Variants in IL1RAP observed in about 807,000 individuals in gnomAD.
IL1RAP encodes interleukin 1 receptor accessory protein, also known as interleukin-1 receptor accessory protein.
A neutral mutation model predicts 60.7 loss-of-function variants in IL1RAP; 35 were observed. That is an observed-to-expected ratio of 0.58 (90% CI 0.44 to 0.76). IL1RAP has a LOEUF of 0.76. IL1RAP is among the 30% of genes least tolerant of loss of function. The probability of loss-of-function intolerance (pLI) is 0.00; values close to 1 mark genes in which losing one functional copy is unlikely to be tolerated. For missense variants in IL1RAP, 572 were observed against 693.9 expected (o/e 0.82, Z 1.97); for synonymous variants, 268 against 250.9 (o/e 1.07, Z -0.64).
At chr3:190,645,948 A>G in intron 11 of IL1RAP, 106 bp downstream of exon 11, 2 of 933,136 alleles carry the variant, frequency 2.1e-6, no homozygotes, top group Non-Finnish European at 3.2e-6. Flanking sequence ...TGGATATTTA[A>G]TGTCCGATGC....
At chr3:190,568,633 T>A (rs550177977) in intron 3 of IL1RAP, among the ~76,000 whole-genome samples, 2 of 152,228 alleles carry the variant, frequency 1.3e-5, no homozygotes, top group East Asian at 3.9e-4. Flanking sequence ...AGTAAAGGGG[T>A]CATTTCATCA....
intron 8 of IL1RAP, among the ~76,000 whole-genome samples, chr3:190,628,175 T>A (rs1036123975): frequency 6.6e-6 from 1 of 152,130 alleles, no homozygotes; most frequent in Non-Finnish European, 1.5e-5. Context: ...AGACAGAAGG[T>A]TCCACTGCAA....
intron 1 of IL1RAP, among the ~76,000 whole-genome samples, chr3:190,543,110 T>TA (rs1724084809): frequency 6.6e-6 from 1 of 152,046 alleles, no homozygotes; most frequent in Non-Finnish European, 1.5e-5. Flanking sequence ...GTATGTATTA[T>TA]AAAGCAGCAT....
At chr3:190,520,750 G>A (rs1381087783) in intron 1 of IL1RAP, among the ~76,000 whole-genome samples, 1 of 152,172 alleles carries the variant, frequency 6.6e-6, no homozygotes, top group Admixed American at 6.5e-5. Flanking sequence ...AGATGCTTGT[G>A]ATTTCTACCT....
chr3:190,536,993 G>A (rs370892264), intron 1 of IL1RAP, among the ~76,000 whole-genome samples: 1 of 150,518 alleles, frequency 6.6e-6, no homozygotes, highest in African/African-American at 2.4e-5. Flanking sequence ...GAGGAGAAGG[G>A]GCCACAGTGT....
chr3:190,552,224 A>G (rs1471298350), intron 1 of IL1RAP, among the ~76,000 whole-genome samples: 1 of 152,246 alleles, frequency 6.6e-6, no homozygotes, highest in Non-Finnish European at 1.5e-5. Context: ...ATGACTCAGG[A>G]ACTTAACAAG....
intron 2 of IL1RAP, among the ~76,000 whole-genome samples, chr3:190,561,642 T>A (rs113168991): frequency 6.6e-6 from 1 of 152,106 alleles, no homozygotes; most frequent in Non-Finnish European, 1.5e-5. Context: ...TGACAGCAAT[T>A]TGGGAGGGCG....
chr3:190,564,226 ATTATTAT>A, intron 2 of IL1RAP, 56 bp from the exon 3 acceptor site: 1 of 995,818 alleles, frequency 1.0e-6, no homozygotes, highest in Non-Finnish European at 1.6e-6. Flanking sequence ...AATGCTAGTT[ATTATTAT>A]TTAAGCCCTT....
intron 9 of IL1RAP, among the ~76,000 whole-genome samples, chr3:190,640,229 C>G (rs1018257258): frequency 1.3e-5 from 2 of 152,188 alleles, no homozygotes; most frequent in African/African-American, 4.8e-5. Context: ...AATCGAAAAG[C>G]CAGAGTGATC....
At chr3:190,628,286 G>A (rs1404912111) in intron 8 of IL1RAP, among the ~76,000 whole-genome samples, 3 of 152,146 alleles carry the variant, frequency 2.0e-5, no homozygotes, top group Non-Finnish European at 4.4e-5. Flanking sequence ...GAGGCTCACA[G>A]GGAGAATTAT....
At chr3:190,654,006 C>T (rs141071096), downstream of IL1RAP, among the ~76,000 whole-genome samples, 1 of 152,120 alleles carries the variant, frequency 6.6e-6, no homozygotes, top group East Asian at 1.9e-4. Context: ...GCATTGTCCT[C>T]TTTCAAATCT....
At chr3:190,654,230 A>ACACACACACACACAC (rs1734530529), downstream of IL1RAP, among the ~76,000 whole-genome samples, 4 of 149,730 alleles carry the variant, frequency 2.7e-5, no homozygotes, top group African/African-American at 7.4e-5. Context: ...ACACACACAC[A>ACACACACACACACAC]ATTTGCATGA....
intron 1 of IL1RAP, among the ~76,000 whole-genome samples, chr3:190,535,213 C>A (rs1212306296): frequency 6.6e-6 from 1 of 152,196 alleles, no homozygotes; most frequent in Non-Finnish European, 1.5e-5. Context: ...TGGAGGTACA[C>A]TGAAACTTGA....
chr3:190,534,931 A>AAG (rs1553828439), intron 1 of IL1RAP, among the ~76,000 whole-genome samples: 64 of 141,696 alleles, frequency 4.5e-4, no homozygotes, highest in Middle Eastern at 3.5e-3. Context: ...AAAAAAAAAA[A>AAG]AAAGAAAACC....
chr3:190,614,923 G>A (rs1577731254), intron 5 of IL1RAP, among the ~76,000 whole-genome samples: 1 of 152,264 alleles, frequency 6.6e-6, no homozygotes, highest in East Asian at 1.9e-4. Context: ...CCTGTGGATA[G>A]AGGGCCCTGA....
At chr3:190,656,228 A>G (rs1436962309), downstream of IL1RAP, 1 of 1,537,250 alleles carries the variant, frequency 6.5e-7, no homozygotes, top group Admixed American at 2.0e-5. Context: ...TGCTCTTCCC[A>G]GTCTGACATC....
chr3:190,642,261 T>G (rs1313172998), intron 9 of IL1RAP: 3 of 152,270 alleles, frequency 2.0e-5, no homozygotes, highest in Non-Finnish European at 4.4e-5. Context: ...CCTTCCTCCC[T>G]CACTGTTTCA....
Position 190,648,473 on chromosome 3 carries a change from GCAA to G in IL1RAP, c.1484_1486del (p.Asn495del), listed in dbSNP as rs1560245073. On this transcript the variant is annotated inframe_deletion, in exon 12 of 12. Coordinates refer to ENST00000447382, the MANE Select transcript of IL1RAP (RefSeq NM_002182.4). The stretch of plus-strand genomic sequence containing the variant: ...GGCCTAGAAAATATGGCCTCTCGGG[GCAA>G]CATCAACGTCATTTTAGTACAGTAC... 6.2e-7 allele frequency: 1 copy of G among 1,614,104 alleles called. No individual in the cohort carries two copies. The highest frequency in any genetic ancestry group is 2.2e-5 in the East Asian group (1 of 44,864).
rs575908647 is a variant in IL1RAP at position 190,645,573 on chromosome 3, T to C, written c.1202-126T>C. The C allele has an allele frequency of 2.8e-5, 20 of 717,058 alleles. No homozygotes were observed. The East Asian group carries it at 5.2e-4, about 19-fold the overall frequency. 44.4% of individuals were successfully genotyped at this position (717,058 alleles called of 1,614,324 possible). ...GTTTTGCGTGGAGACTTGTTGCAAGTAGAAAATCGCACTGGAATCTGTCAC... is the reference window on the plus strand; with the variant it reads ...GTTTTGCGTGGAGACTTGTTGCAAGCAGAAAATCGCACTGGAATCTGTCAC... On this transcript the variant is annotated intron_variant, in intron 10 of 11. Coordinates refer to ENST00000447382, the MANE Select transcript of IL1RAP (RefSeq NM_002182.4).
Sources: allele counts gnomAD v4.1 joint callset (sites outside exome capture counted in the v4.1 genomes callset), GRCh38; gene constraint gnomAD v4.1.1; transcripts MANE v1.5; gene names NCBI Gene and HGNC (gene_info 2026-07-23, HGNC 2026-07-21).